Variants in PAGE1 observed in about 807,000 individuals in gnomAD.
The protein encoded by PAGE1 is PAGE family member 1, also known as P antigen family member 1.
Under a neutral mutation model 11.5 loss-of-function variants are expected in PAGE1, and 6 were observed. That is an observed-to-expected ratio of 0.52 (90% CI 0.29 to 1.03). The LOEUF (loss-of-function observed/expected upper bound fraction) is 1.03. PAGE1 is among the 50% of genes least tolerant of loss of function. The probability of loss-of-function intolerance (pLI) is 0.09; values close to 1 mark genes in which losing one functional copy is unlikely to be tolerated. For synonymous variants in PAGE1, 42 were observed against 40.2 expected, an observed-to-expected ratio of 1.05 and a Z score of -0.17; for missense variants, 120 against 110.2, an observed-to-expected ratio of 1.09 and a Z score of -0.40.
rs781854087 is a variant in PAGE1 at position 49,692,869 on chromosome X, C to T, written c.166+1230G>A. On this transcript the variant is annotated intron_variant, in intron 3 of 5. Coordinates refer to ENST00000376150, the MANE Select transcript of PAGE1 (RefSeq NM_003785.4). ...ACCCTAGGCTCAAGCGATCCTCTCACCTCAGCCTCCCAAGTAGCTGGGACT... is the reference window on the plus strand; with the variant it reads ...ACCCTAGGCTCAAGCGATCCTCTCATCTCAGCCTCCCAAGTAGCTGGGACT... 4.7e-3 allele frequency among the ~76,000 whole-genome samples: 517 copies of T among 111,055 alleles called. 2 individuals carry two copies. The highest frequency in any genetic ancestry group is 0.016 in the African/African-American group (501 of 30,483).
chrX:49,694,586 A>C, intron 2 of PAGE1, 122 bp downstream of exon 2: 1 of 412,275 alleles, frequency 2.4e-6, no homozygotes, highest in South Asian at 7.1e-5. Flanking sequence ...TTTTTTAATC[A>C]GCATGAACTA....
intron 5 of PAGE1, among the ~76,000 whole-genome samples, chrX:49,688,100 T>G (rs782197291): frequency 1.9e-3 from 219 of 112,954 alleles, no homozygotes; most frequent in African/African-American, 6.8e-3. Flanking sequence ...AAATAGAAAC[T>G]AAATGGTCTC....
rs782114600 is a variant in PAGE1 at position 49,693,485 on chromosome X, T to G, written c.166+614A>C. Among the ~76,000 whole-genome samples, 3 of 111,737 alleles carry G rather than the reference T, an allele frequency of 2.7e-5. No individual in the cohort carries two copies. The Admixed American group carries it at 2.9e-4, about 11-fold the overall frequency. ...TCTCAGGATAATTCCTTTTTTTTGGTTTTTCTAACCATAAAAGGATTTAAT... is the reference window on the plus strand; with the variant it reads ...TCTCAGGATAATTCCTTTTTTTTGGGTTTTCTAACCATAAAAGGATTTAAT... On this transcript the variant is annotated intron_variant, in intron 3 of 5. Coordinates refer to ENST00000376150, the MANE Select transcript of PAGE1 (RefSeq NM_003785.4).
intron 4 of PAGE1, among the ~76,000 whole-genome samples, chrX:49,690,125 A>G (rs370137736): frequency 3.6e-5 from 3 of 83,825 alleles, no homozygotes; most frequent in East Asian, 3.9e-4. Flanking sequence ...ATATATGTGT[A>G]TATATACACA....
chrX:49,691,314 C>T lies in PAGE1; in HGVS notation c.227G>A (p.Gly76Glu), dbSNP rs1557142196. The T allele has an allele frequency of 4.1e-6, 5 of 1,210,032 alleles. No homozygotes were observed. In the South Asian group the frequency reaches 7.0e-5, roughly 17 times the overall value. ...LVQPKTGCEL[G>E]DGPDTKRVCL... ...CACCCTCTTGGTATCAGGACCATCT[C>T]CAAGCTCACACCCAGTCTTTGGCTG... Residue 76 changes from glycine (G) to glutamate (E), a missense_variant, in exon 4 of 6, where the codon GGA becomes GAA. Transcript: ENST00000376150.
In PAGE1 at chrX:49,694,539, G is replaced by C. The variant is rs185729401; in HGVS notation, c.63+169C>G. On this transcript the variant is annotated intron_variant, in intron 2 of 5. Transcript: ENST00000376150. Reference sequence around the variant, plus strand: ...CACAAGAGAAAAAAAAAATCCTCCTGAATCAATATTTCCTTCATGAGATAC... The same window carrying C: ...CACAAGAGAAAAAAAAAATCCTCCTCAATCAATATTTCCTTCATGAGATAC... 3.6e-5 allele frequency among the ~76,000 whole-genome samples: 4 copies of C among 111,044 alleles called. No individual in the cohort carries two copies. The East Asian group carries it at 1.1e-3, about 32-fold the overall frequency.
At chrX:49,689,059 G>A (rs1557141362) in intron 5 of PAGE1, among the ~76,000 whole-genome samples, 1 of 111,395 alleles carries the variant, frequency 9.0e-6, no homozygotes, top group East Asian at 2.8e-4. Flanking sequence ...CATAATACTG[G>A]GTCAGGTGCA....
At chrX:49,695,473 C>T (rs1231027025) in intron 1 of PAGE1, among the ~76,000 whole-genome samples, 1 of 111,606 alleles carries the variant, frequency 9.0e-6, no homozygotes, top group African/African-American at 3.3e-5. Flanking sequence ...GTTCCAGGCC[C>T]CTTCTTTACC....
In PAGE1 at chrX:49,689,804, A is replaced by ATG. The variant is rs1320630010; in HGVS notation, c.293-263_293-262dup. Among the ~76,000 whole-genome samples the ATG allele has an allele frequency of 3.7e-4, 23 of 62,490 alleles. 1 individual carries two copies. The highest frequency in any genetic ancestry group is 2.7e-3 in the Admixed American group (13 of 4,838). The allele number at this position is 62,490 out of a possible 115,157, so 54.3% of individuals were successfully genotyped here. On this transcript the variant is annotated intron_variant, in intron 4 of 5. Coordinates refer to ENST00000376150, the MANE Select transcript of PAGE1 (RefSeq NM_003785.4). ...TATACACACATATATATGTATATAT[A>ATG]TGTGTATATACACACATATATGTGT... is the stretch of plus-strand genomic sequence containing the variant.
Position 49,687,527 on chromosome X carries a change from C to CA in PAGE1, c.*13dup. ...AACACAGGAGCAGCCTGAACCATTT[C>CA]AGCGTGTCTTCTTTTAAGGCTGTGA... On this transcript the variant is annotated 3_prime_UTR_variant, in exon 6 of 6. Coordinates refer to ENST00000376150, the MANE Select transcript of PAGE1 (RefSeq NM_003785.4). The CA allele has an allele frequency of 8.3e-7, 1 of 1,203,118 alleles. No individual in the cohort carries two copies. The highest frequency in any genetic ancestry group is 3.0e-5 in the East Asian group (1 of 33,629).
At chrX:49,693,392 C>A (rs1235246170) in intron 3 of PAGE1, among the ~76,000 whole-genome samples, 1 of 111,784 alleles carries the variant, frequency 8.9e-6, no homozygotes, top group East Asian at 2.8e-4. Context: ...TAATCCATGA[C>A]CTGAGTTAGA....
intron 1 of PAGE1, among the ~76,000 whole-genome samples, 182 bp downstream of exon 1, chrX:49,695,687 C>T (rs969546462): frequency 1.8e-5 from 2 of 112,251 alleles, no homozygotes; most frequent in African/African-American, 3.2e-5. Flanking sequence ...ACCACAAAGC[C>T]GATGGCGGCG....
At chrX:49,692,599 A>G (rs2066924461) in intron 3 of PAGE1, among the ~76,000 whole-genome samples, 1 of 97,080 alleles carries the variant, frequency 1.0e-5, no homozygotes. Context: ...AATATATGAC[A>G]ACTACACTGA....
chrX:49,687,723 A>G, intron 5 of PAGE1, among the ~76,000 whole-genome samples, 160 bp from the exon 6 acceptor site: 1 of 112,766 alleles, frequency 8.9e-6, no homozygotes, highest in Non-Finnish European at 1.9e-5. Context: ...AAACCTCTGT[A>G]TAAATTTTGA....
At chrX:49,692,141 C>T (rs1349043053) in intron 3 of PAGE1, among the ~76,000 whole-genome samples, 1 of 106,346 alleles carries the variant, frequency 9.4e-6, no homozygotes. Flanking sequence ...AGTGAGACTC[C>T]GTCTGAAAAA....
At position 49,689,813 on chromosome X, in the gene PAGE1, T is replaced by TAC. The variant is rs782393581; in HGVS notation, c.293-272_293-271dup. Among the ~76,000 whole-genome samples, 64 of 62,042 alleles carry TAC rather than the reference T, an allele frequency of 1.0e-3. 1 individual carries two copies. Among genetic ancestry groups the TAC allele is most frequent in the Middle Eastern group, 0.023 (1 of 43 alleles). The allele number at this position is 62,042 out of a possible 115,157, so 53.9% of individuals were successfully genotyped here. On this transcript the variant is annotated intron_variant, in intron 4 of 5. Coordinates refer to ENST00000376150, the MANE Select transcript of PAGE1 (RefSeq NM_003785.4). ...ATATATATGTATATATATGTGTATA[T>TAC]ACACACATATATGTGTATATATGTG...
rs141348510 is a variant in PAGE1, at chrX:49,691,256, G to A, written c.285C>T (p.Pro95=). 1.6e-4 allele frequency: 195 copies of A among 1,207,623 alleles called. No homozygotes were observed. In the African/African-American group the frequency reaches 2.9e-3, roughly 18 times the overall value. ...GCTTAATGGACTACCTACCTTCTGC[G>A]GGCAGTTTCATCTGCTCTTCATTTC... The part of the protein sequence containing the change: ...CLRNEEQMKL[P]AEGPEPEADS... The change falls in exon 4 of 6, where the codon CCC becomes CCT. Residue 95 remains proline, a synonymous_variant. Transcript: ENST00000376150.
intron 5 of PAGE1, among the ~76,000 whole-genome samples, chrX:49,688,581 T>C (rs2066892051): frequency 8.9e-6 from 1 of 111,973 alleles, no homozygotes; most frequent in Non-Finnish European, 1.9e-5. Context: ...ATAAATCATG[T>C]AAAACAGATG....
At chrX:49,688,816 T>G (rs961648162) in intron 5 of PAGE1, among the ~76,000 whole-genome samples, 1 of 111,874 alleles carries the variant, frequency 8.9e-6, no homozygotes, top group Non-Finnish European at 1.9e-5. Flanking sequence ...GTGTTACAAA[T>G]GTGTTATGTA....
Sources: gnomAD v4.1 joint callset for allele counts (sites outside exome capture counted in the v4.1 genomes callset) on GRCh38, gnomAD v4.1.1 for gene constraint, MANE v1.5 for transcripts, NCBI Gene and HGNC (gene_info 2026-07-23, HGNC 2026-07-21) for gene names.